The following SLC24A3 variants were observed in gnomAD, a reference collection of about 807,000 sequenced individuals.
SLC24A3 encodes the protein solute carrier family 24 member 3.
Under a neutral mutation model 75.8 loss-of-function variants are expected in SLC24A3, and 28 were observed. The ratio of observed to expected loss-of-function variants is 0.37; its 90% CI spans 0.27 to 0.51. SLC24A3 has a LOEUF of 0.51. Ranked by LOEUF, SLC24A3 falls within the 20% of genes least tolerant of loss-of-function variation. SLC24A3 has a pLI of 0.94. For missense variants in SLC24A3, 663 were observed against 847.8 expected (o/e 0.78, Z 2.71); for synonymous variants, 372 against 334.1 (o/e 1.11, Z -1.24).
intron 2 of SLC24A3, among the ~76,000 whole-genome samples, chr20:19,306,888 A>G (rs1406722206): frequency 6.6e-6 from 1 of 152,166 alleles, no homozygotes; most frequent in Non-Finnish European, 1.5e-5. Context: ...ACAAACAAAC[A>G]AACAAACAAA....
rs1252037395 is a variant in SLC24A3 at position 19,212,919 on chromosome 20, A to C, written c.77A>C (p.Gln26Pro). 1 of 1,351,012 alleles carries C rather than the reference A, an allele frequency of 7.4e-7. No homozygotes were observed. Among genetic ancestry groups the C allele is most frequent in the Non-Finnish European group, 9.5e-7 (1 of 1,047,582 alleles). 83.7% of individuals were successfully genotyped at this position (1,351,012 alleles called of 1,614,324 possible). ...RRRRRDLLLS[Q>P]LCFLASVALL... ...CGCCGGAGGGACCTTCTGCTGAGCCAGCTCTGCTTCCTGGCCTCGGTGGCG... is the reference window on the plus strand; with the variant it reads ...CGCCGGAGGGACCTTCTGCTGAGCCCGCTCTGCTTCCTGGCCTCGGTGGCG... The change falls in exon 1 of 17, where the codon CAG becomes CCG. Residue 26 changes from glutamine to proline, a missense_variant. Physicochemically the swap from Gln to Pro is moderately conservative, Grantham distance 76. Transcript: ENST00000328041.
intron 2 of SLC24A3, among the ~76,000 whole-genome samples, chr20:19,338,044 G>T (rs762653024): frequency 6.6e-6 from 1 of 152,182 alleles, no homozygotes; most frequent in Non-Finnish European, 1.5e-5. Context: ...TGCAAAGGGC[G>T]TGGATACAGG....
chr20:19,380,394 C>T (rs566678879), intron 2 of SLC24A3, among the ~76,000 whole-genome samples: 9 of 152,190 alleles, frequency 5.9e-5, no homozygotes, highest in East Asian at 5.8e-4. Context: ...CTAAGGAGGC[C>T]GGGCCTGATT....
At chr20:19,342,433 G>A (rs1400967720) in intron 2 of SLC24A3, among the ~76,000 whole-genome samples, 1 of 152,186 alleles carries the variant, frequency 6.6e-6, no homozygotes, top group African/African-American at 2.4e-5. Context: ...TGCTGAGTTG[G>A]CCATGTTAAT....
chr20:19,605,556 C>A (rs965980041), intron 6 of SLC24A3, among the ~76,000 whole-genome samples: 1 of 152,182 alleles, frequency 6.6e-6, no homozygotes, highest in African/African-American at 2.4e-5. Flanking sequence ...ACCCCACAAG[C>A]CTGCCATATC....
Position 19,438,708 on chromosome 20 carries a change from G to T in SLC24A3, c.272-76780G>T, listed in dbSNP as rs56253406. ...GCATCCCCACAGGGTAGGTAGTGTGGACAGCAATCTGCTCATTGGCCTCTG... is the reference window on the plus strand; with the variant it reads ...GCATCCCCACAGGGTAGGTAGTGTGTACAGCAATCTGCTCATTGGCCTCTG... On this transcript the variant is annotated intron_variant, in intron 2 of 16. Coordinates refer to ENST00000328041, the MANE Select transcript of SLC24A3 (RefSeq NM_020689.4). Among the ~76,000 whole-genome samples the T allele has an allele frequency of 2.1e-4, 32 of 152,136 alleles. 1 individual carries two copies. Among genetic ancestry groups the T allele is most frequent in the Non-Finnish European group, 1.5e-5 (1 of 68,024 alleles).
At chr20:19,290,601 C>T (rs1310751215) in intron 2 of SLC24A3, among the ~76,000 whole-genome samples, 1 of 152,184 alleles carries the variant, frequency 6.6e-6, no homozygotes, top group Non-Finnish European at 1.5e-5. Flanking sequence ...CTTGGACTTC[C>T]CAGCCTTCAG....
chr20:19,444,996 C>A (rs184214052), intron 2 of SLC24A3, among the ~76,000 whole-genome samples: 2 of 152,004 alleles, frequency 1.3e-5, no homozygotes, highest in African/African-American at 4.8e-5. Flanking sequence ...GTGTCTCACA[C>A]GTTTTGATAC....
intron 3 of SLC24A3, among the ~76,000 whole-genome samples, chr20:19,518,421 G>A (rs563100094): frequency 9.5e-4 from 145 of 152,334 alleles, no homozygotes; most frequent in Non-Finnish European, 1.3e-3. Flanking sequence ...TCTATACAGC[G>A]TGCTGTGCTG....
intron 2 of SLC24A3, among the ~76,000 whole-genome samples, chr20:19,447,405 C>T (rs776855033): frequency 6.6e-6 from 1 of 151,974 alleles, no homozygotes; most frequent in Non-Finnish European, 1.5e-5. Context: ...GGTGGCTAGT[C>T]CGTCTACTGG....
Position 19,666,213 on chromosome 20 carries a change from G to A in SLC24A3, c.713+324G>A, listed in dbSNP as rs538421382. The stretch of plus-strand genomic sequence containing the variant: ...ATGTGCTAGGGTAGAGTTAAGATTT[G>A]ACTGATTTTTGGGCCGGGCACAGTG... On this transcript the variant is annotated intron_variant, in intron 8 of 16. Transcript: ENST00000328041. Among the ~76,000 whole-genome samples the A allele has an allele frequency of 4.6e-5, 7 of 152,246 alleles. No individual in the cohort carries two copies. In the South Asian group the frequency reaches 1.5e-3, roughly 32 times the overall value.
In SLC24A3 at chr20:19,346,247, TATATATATATG is replaced by T. The variant is rs1332584579; in HGVS notation, c.271+65161_271+65171del. On this transcript the variant is annotated intron_variant, in intron 2 of 16. Transcript: ENST00000328041. Reference sequence around the variant, plus strand: ...GTATATATGGTATATATATATGGTGTATATATATATGGTATATATATATGGTGTATATATAT... The same window carrying T: ...GTATATATGGTATATATATATGGTGTGTATATATATATGGTGTATATATAT... Among the ~76,000 whole-genome samples the T allele has an allele frequency of 1.0e-3, 50 of 49,360 alleles. 1 individual carries two copies. The highest frequency in any genetic ancestry group is 7.3e-3 in the African/African-American group (47 of 6,468). The allele number at this position is 49,360 out of a possible 152,430, so 32.4% of individuals were successfully genotyped here.
chr20:19,282,108 T>C (rs1435753889), intron 2 of SLC24A3, among the ~76,000 whole-genome samples: 3 of 152,076 alleles, frequency 2.0e-5, no homozygotes, highest in South Asian at 2.1e-4. Context: ...ACAATCTCCA[T>C]TGCAGCCCAA....
At position 19,580,079 on chromosome 20, in the gene SLC24A3, G is replaced by A. The variant is rs781036799; in HGVS notation, c.423+5G>A. 4.3e-6 allele frequency: 7 copies of A among 1,612,450 alleles called. No homozygotes were observed. Among genetic ancestry groups the A allele is most frequent in the African/African-American group, 1.3e-5 (1 of 74,864 alleles). On this transcript the variant is annotated splice_donor_5th_base_variant and intron_variant, in intron 4 of 16. Transcript: ENST00000328041. Reference sequence around the variant, plus strand: ...TCCTTGGAAAAGATCTGTGAGGTACGTGCCTCACATTCTTGGTATGTGTGA... The same window carrying A: ...TCCTTGGAAAAGATCTGTGAGGTACATGCCTCACATTCTTGGTATGTGTGA...
chr20:19,562,786 C>T (rs963142926), intron 3 of SLC24A3, among the ~76,000 whole-genome samples: 13 of 152,158 alleles, frequency 8.5e-5, no homozygotes, highest in African/African-American at 2.7e-4. Flanking sequence ...ATCATGAGAA[C>T]GATCTGGCTA....
chr20:19,218,495 A>G (rs1224297872), intron 1 of SLC24A3, among the ~76,000 whole-genome samples: 1 of 152,212 alleles, frequency 6.6e-6, no homozygotes. Context: ...TTTTTCAGTT[A>G]ACTGAGGAGT....
intron 2 of SLC24A3, among the ~76,000 whole-genome samples, chr20:19,492,475 A>G (rs373636125): frequency 1.3e-5 from 2 of 152,230 alleles, no homozygotes; most frequent in African/African-American, 4.8e-5. Context: ...ACACCTGCTC[A>G]GTCCATGGGA....
intron 6 of SLC24A3, among the ~76,000 whole-genome samples, chr20:19,629,792 T>C (rs537587319): frequency 6.6e-6 from 1 of 152,336 alleles, no homozygotes; most frequent in East Asian, 1.9e-4. Context: ...AAGAATACTG[T>C]GCAGAAAAAC....
At chr20:19,512,709 G>C (rs1054271562) in intron 2 of SLC24A3, among the ~76,000 whole-genome samples, 1 of 152,248 alleles carries the variant, frequency 6.6e-6, no homozygotes, top group East Asian at 1.9e-4. Context: ...ATAGAGCTGG[G>C]CTGGGGAGAA....
Sources: gnomAD v4.1 joint callset for allele counts (sites outside exome capture counted in the v4.1 genomes callset) on GRCh38, gnomAD v4.1.1 for gene constraint, MANE v1.5 for transcripts, NCBI Gene and HGNC (gene_info 2026-07-23, HGNC 2026-07-21) for gene names.